Variants in DIP2C observed in about 807,000 individuals in gnomAD.
DIP2C encodes DIP2 acetate--CoA ligase C (putative).
A neutral mutation model predicts 192.4 loss-of-function variants in DIP2C; 33 were observed. The ratio of observed to expected loss-of-function variants is 0.17; its 90% CI spans 0.13 to 0.23. The LOEUF (loss-of-function observed/expected upper bound fraction) is 0.23, where lower values mean the gene tolerates loss of function less well. Ranked by LOEUF, DIP2C falls within the 10% of genes least tolerant of loss-of-function variation. The pLI is 1.00. For missense variants in DIP2C, 1,537 were observed against 2,110.1 expected (o/e 0.73, Z 5.32); for synonymous variants, 979 against 864.1 (o/e 1.13, Z -2.33).
chr10:435,051 T>G (rs149682517), intron 4 of DIP2C, among the ~76,000 whole-genome samples: 1 of 152,192 alleles, frequency 6.6e-6, no homozygotes, highest in Non-Finnish European at 1.5e-5. Flanking sequence ...CTGAGGAAAT[T>G]CAGCCATTAA....
chr10:294,321 TCTGGGTGCATCAATATG>T (rs1955641168), intron 32 of DIP2C, among the ~76,000 whole-genome samples: 3 of 152,096 alleles, frequency 2.0e-5, no homozygotes, highest in African/African-American at 2.4e-5. Context: ...GCATCAATAC[TCTGGGTGCATCAATATG>T]CTGGGTGCAT....
At position 330,725 on chromosome 10, in the gene DIP2C, CTT is replaced by C. The variant is rs1034042295; in HGVS notation, c.3585-1126_3585-1125del. Among the ~76,000 whole-genome samples, 129 of 150,450 alleles carry C rather than the reference CTT, an allele frequency of 8.6e-4. 5 individuals are homozygous for C. Among genetic ancestry groups the C allele is most frequent in the Non-Finnish European group, 3.4e-4 (23 of 67,870 alleles). On this transcript the variant is annotated intron_variant, in intron 29 of 36. Transcript: ENST00000280886. ...AACTTCGGGGCTCAAGCAATCCTCT[CTT>C]GTTCCTGCTGTGGCCATGTAAGATG...
intron 1 of DIP2C, among the ~76,000 whole-genome samples, chr10:670,850 G>C (rs534455363): frequency 6.6e-6 from 1 of 152,274 alleles, no homozygotes; most frequent in East Asian, 1.9e-4. Flanking sequence ...TACCAGTAAT[G>C]GCTGGTAATT....
At chr10:620,145 C>A (rs764263212) in intron 1 of DIP2C, among the ~76,000 whole-genome samples, 3 of 152,180 alleles carry the variant, frequency 2.0e-5, no homozygotes, top group African/African-American at 7.2e-5. Context: ...TCTGGCTGGA[C>A]GGAGAGCATT....
At position 556,263 on chromosome 10, in the gene DIP2C, ACGG is replaced by A. The variant is rs1437851073; in HGVS notation, c.86-69736_86-69734del. 2.5e-3 allele frequency among the ~76,000 whole-genome samples: 57 copies of A among 22,654 alleles called. 23 individuals are homozygous for A. Among genetic ancestry groups the A allele is most frequent in the Admixed American group, 3.9e-3 (6 of 1,522 alleles). The allele number at this position is 22,654 out of a possible 152,430, so 14.9% of individuals were successfully genotyped here. A position where few individuals can be genotyped will look rare whatever the true frequency, so the allele number is the denominator to read the frequency against. ...ACCCCTCCCACAGCCGGATCCCAGG[ACGG>A]CACCCACCCCTCCCACAGCCGGATC... On this transcript the variant is annotated intron_variant, in intron 1 of 36. Coordinates refer to ENST00000280886, the MANE Select transcript of DIP2C (RefSeq NM_014974.3).
At chr10:302,127 G>C (rs758633469) in intron 32 of DIP2C, among the ~76,000 whole-genome samples, 26 of 152,118 alleles carry the variant, frequency 1.7e-4, no homozygotes, top group Non-Finnish European at 3.5e-4. Flanking sequence ...AAAGGCATTT[G>C]CATGACTACA....
intron 1 of DIP2C, among the ~76,000 whole-genome samples, chr10:557,158 A>G (rs1211779284): frequency 6.6e-6 from 1 of 152,242 alleles, no homozygotes; most frequent in Non-Finnish European, 1.5e-5. Flanking sequence ...AGAAAGGAGC[A>G]GCCCTGGGCA....
chr10:283,246 G>GTT (rs779629838), intron 35 of DIP2C, 26 bp downstream of exon 35: 1 of 1,583,244 alleles, frequency 6.3e-7, no homozygotes, highest in Non-Finnish European at 8.6e-7. Context: ...ATCTGTTGGG[G>GTT]GGGGGCCGCC....
intron 9 of DIP2C, among the ~76,000 whole-genome samples, chr10:407,691 C>CT (rs1034563364): frequency 4.3e-4 from 65 of 152,290 alleles, no homozygotes; most frequent in African/African-American, 1.3e-3. Context: ...TGCTGAGCAT[C>CT]TTTTCATGTG....
chr10:629,576 C>A (rs1396177102), intron 1 of DIP2C, among the ~76,000 whole-genome samples: 2 of 152,238 alleles, frequency 1.3e-5, no homozygotes, highest in African/African-American at 4.8e-5. Flanking sequence ...CTCCAGCAGG[C>A]CCAGCCTCAC....
intron 1 of DIP2C, among the ~76,000 whole-genome samples, chr10:567,383 G>A (rs1257510602): frequency 6.6e-6 from 1 of 151,992 alleles, no homozygotes; most frequent in East Asian, 1.9e-4. Context: ...GTAGAGATGG[G>A]GTTTTACCAT....
chr10:429,869 C>G (rs536610845), intron 4 of DIP2C, among the ~76,000 whole-genome samples: 1 of 152,030 alleles, frequency 6.6e-6, no homozygotes, highest in Non-Finnish European at 1.5e-5. Flanking sequence ...TGTATGTAGA[C>G]GTAAGTTTTC....
chr10:321,088 T>A (rs992042745), intron 31 of DIP2C, among the ~76,000 whole-genome samples: 3 of 152,182 alleles, frequency 2.0e-5, no homozygotes, highest in African/African-American at 7.2e-5. Context: ...TGGGGCTGGA[T>A]GGTGGGAGGA....
rs372660188 is a variant in DIP2C at position 594,767 on chromosome 10, C to T, written c.85+94727G>A. On this transcript the variant is annotated intron_variant, in intron 1 of 36. Transcript: ENST00000280886. ...CCATGTTCACTTTCTCAAGACCACACACAACCGAGCCGCAAACCAGGGCGG... is the reference window on the plus strand; with the variant it reads ...CCATGTTCACTTTCTCAAGACCACATACAACCGAGCCGCAAACCAGGGCGG... Among the ~76,000 whole-genome samples the T allele has an allele frequency of 4.6e-5, 7 of 152,170 alleles. No homozygotes were observed. In the East Asian group the frequency reaches 1.2e-3, roughly 25 times the overall value.
chr10:337,754 A>ATG (rs1331224124), intron 29 of DIP2C, among the ~76,000 whole-genome samples: 10 of 11,816 alleles, frequency 8.5e-4, no homozygotes, highest in Admixed American at 3.9e-3. Flanking sequence ...GACTAGGCTG[A>ATG]TGTGTGTGTG....
chr10:341,066 C>G (rs1011612268), intron 29 of DIP2C, 133 bp downstream of exon 29: 2 of 1,282,380 alleles, frequency 1.6e-6, no homozygotes, highest in Non-Finnish European at 2.2e-6. Flanking sequence ...TAGAGGGACA[C>G]GGGTAAGCCC....
At chr10:532,411 G>T (rs1322339679) in intron 1 of DIP2C, among the ~76,000 whole-genome samples, 2 of 152,198 alleles carry the variant, frequency 1.3e-5, no homozygotes, top group African/African-American at 4.8e-5. Flanking sequence ...ACTGGCCGCT[G>T]CATTTTCTTG....
intron 1 of DIP2C, among the ~76,000 whole-genome samples, chr10:674,540 C>A (rs2119042145): frequency 6.6e-6 from 1 of 151,884 alleles, no homozygotes; most frequent in Non-Finnish European, 1.5e-5. Context: ...GGGGCAGAGG[C>A]AGGTGGATCA....
intron 1 of DIP2C, among the ~76,000 whole-genome samples, chr10:635,385 T>C (rs144664310): frequency 1.3e-5 from 2 of 152,112 alleles, no homozygotes; most frequent in African/African-American, 2.4e-5. Context: ...TCTGGACAGG[T>C]TGTCAAGGAT....
Sources: gnomAD v4.1 joint callset for allele counts (sites outside exome capture counted in the v4.1 genomes callset) on GRCh38, gnomAD v4.1.1 for gene constraint, MANE v1.5 for transcripts, NCBI Gene and HGNC (gene_info 2026-07-23, HGNC 2026-07-21) for gene names.